The following TTBK2 variants were observed in gnomAD, a reference collection of about 807,000 sequenced individuals.
TTBK2 encodes tau-tubulin kinase 2.
TTBK2 carries 28 observed loss-of-function variants against 110.8 expected under a neutral mutation model. That is an observed-to-expected ratio of 0.25 (90% CI 0.19 to 0.35). TTBK2 has a LOEUF of 0.35. TTBK2 is among the 10% of genes least tolerant of loss of function. The pLI is 1.00. For synonymous variants in TTBK2, 532 were observed against 527.3 expected, an observed-to-expected ratio of 1.01 and a Z score of -0.12; for missense variants, 1,369 against 1,500.3, an observed-to-expected ratio of 0.91 and a Z score of 1.45.
Position 42,878,701 on chromosome 15 carries a change from A to T in TTBK2, c.-67-17T>A. On this transcript the variant is annotated splice_polypyrimidine_tract_variant and intron_variant, in intron 1 of 14. Transcript: ENST00000267890. ...CCATTTAACCTAAAACAACAACAACAAAAAATAGTAGCAGTATTTAGGGTT... is the reference window on the plus strand; with the variant it reads ...CCATTTAACCTAAAACAACAACAACTAAAAATAGTAGCAGTATTTAGGGTT... The T allele has an allele frequency of 6.2e-7, 1 of 1,609,132 alleles. No individual in the cohort carries two copies. Among genetic ancestry groups the T allele is most frequent in the Non-Finnish European group, 8.5e-7 (1 of 1,178,350 alleles).
At chr15:42,881,807 G>A (rs1895060706) in intron 1 of TTBK2, among the ~76,000 whole-genome samples, 1 of 151,884 alleles carries the variant, frequency 6.6e-6, no homozygotes. Flanking sequence ...GGAGGTGGAG[G>A]TTGCAATGAG....
rs539783773 is a variant in TTBK2 at position 42,896,827 on chromosome 15, G to T, written c.-67-18143C>A. ...ATAAAATAAATAAATAAAACTAAAAGATTTAACATGTAATAGGTTTACTAT... is the reference window on the plus strand; with the variant it reads ...ATAAAATAAATAAATAAAACTAAAATATTTAACATGTAATAGGTTTACTAT... On this transcript the variant is annotated intron_variant, in intron 1 of 14. Transcript: ENST00000267890. 1.2e-4 allele frequency among the ~76,000 whole-genome samples: 18 copies of T among 151,360 alleles called. 2 individuals are homozygous for T. Among genetic ancestry groups the T allele is most frequent in the African/African-American group, 3.6e-4 (15 of 41,336 alleles).
chr15:42,891,407 C>T lies in TTBK2; in HGVS notation c.-67-12723G>A, dbSNP rs116639711. Among the ~76,000 whole-genome samples the T allele has an allele frequency of 3.7e-3, 560 of 151,992 alleles. 4 individuals are homozygous for T. Among genetic ancestry groups the T allele is most frequent in the African/African-American group, 0.013 (544 of 41,458 alleles). On this transcript the variant is annotated intron_variant, in intron 1 of 14. Transcript: ENST00000267890. Reference sequence around the variant, plus strand: ...CAAGCTGGTCTTGAACTCCTAGACTCAATCGATCCTCCCACCTCAGTCTCC... The same window carrying T: ...CAAGCTGGTCTTGAACTCCTAGACTTAATCGATCCTCCCACCTCAGTCTCC...
chr15:42,801,687 A>G (rs761559757), intron 9 of TTBK2: 1 of 892,040 alleles, frequency 1.1e-6, no homozygotes, highest in South Asian at 1.3e-5. Context: ...AGCACCACAG[A>G]TGTATCCGAG....
chr15:42,770,197 T>A (rs563121464), intron 13 of TTBK2, among the ~76,000 whole-genome samples: 10 of 152,216 alleles, frequency 6.6e-5, no homozygotes, highest in African/African-American at 1.9e-4. Flanking sequence ...TATACCTATG[T>A]AACAAACCTG....
In TTBK2 at chr15:42,843,718, C is replaced by T. The variant is rs189947673; in HGVS notation, c.218-3285G>A. ...AGGCTGCAGTGAGCCAAGATTGCGC[C>T]GCTGCACTCCAGCCTGGGCGACAGA... On this transcript the variant is annotated intron_variant, in intron 3 of 14. Transcript: ENST00000267890. Among the ~76,000 whole-genome samples the T allele has an allele frequency of 2.5e-3, 355 of 144,732 alleles. 2 individuals carry two copies. The highest frequency in any genetic ancestry group is 8.8e-3 in the African/African-American group (339 of 38,584). The allele number at this position is 144,732 out of a possible 152,430, so 94.9% of individuals were successfully genotyped here. A position where few individuals can be genotyped will look rare whatever the true frequency, so the allele number is the denominator to read the frequency against.
chr15:42,846,594 T>G (rs779538232), intron 3 of TTBK2, among the ~76,000 whole-genome samples: 1 of 152,252 alleles, frequency 6.6e-6, no homozygotes, highest in Non-Finnish European at 1.5e-5. Flanking sequence ...ATTTAGTCTC[T>G]GTCCCTGGTA....
intron 10 of TTBK2, among the ~76,000 whole-genome samples, chr15:42,783,882 T>C (rs1890291666): frequency 6.6e-6 from 1 of 151,788 alleles, no homozygotes; most frequent in South Asian, 2.1e-4. Context: ...GCCAACATGG[T>C]GAAACCCTGT....
intron 3 of TTBK2, among the ~76,000 whole-genome samples, chr15:42,846,772 G>A (rs1389635021): frequency 6.6e-6 from 1 of 152,198 alleles, no homozygotes; most frequent in Non-Finnish European, 1.5e-5. Context: ...GTGCTTAGAG[G>A]AGAGGATTGG....
In TTBK2 at chr15:42,742,734, C is replaced by G. The variant is rs2061758487; in HGVS notation, c.*3061G>C. 1 of 152,164 alleles carries G rather than the reference C, an allele frequency of 6.6e-6. No homozygotes were observed. Among genetic ancestry groups the G allele is most frequent in the African/African-American group, 2.4e-5 (1 of 41,426 alleles). 9.4% of individuals were successfully genotyped at this position (152,164 alleles called of 1,614,324 possible). ...TCAAAAGATAATTTTAACTGCTGCCCTATACTACTTTTAGTATAGTTTGGC... is the reference window on the plus strand; with the variant it reads ...TCAAAAGATAATTTTAACTGCTGCCGTATACTACTTTTAGTATAGTTTGGC... On this transcript the variant is annotated 3_prime_UTR_variant, in exon 15 of 15. Coordinates refer to ENST00000267890, the MANE Select transcript of TTBK2 (RefSeq NM_173500.4).
Position 42,800,929 on chromosome 15 carries a change from C to T in TTBK2, c.823-6128G>A, listed in dbSNP as rs374521919. The T allele has an allele frequency of 3.1e-5, 22 of 708,776 alleles. 1 individual carries two copies. The highest frequency in any genetic ancestry group is 2.5e-4 in the East Asian group (10 of 40,472). 43.9% of individuals were successfully genotyped at this position (708,776 alleles called of 1,614,324 possible). ...ACAGTGGCCTCCCTCCTAGGCTCTG[C>T]GGCAGCCGCAGGAGGGACAGGCTGG... On this transcript the variant is annotated intron_variant, in intron 9 of 14. Transcript: ENST00000267890.
intron 1 of TTBK2, among the ~76,000 whole-genome samples, chr15:42,897,887 T>C (rs1895730657): frequency 6.7e-6 from 1 of 150,012 alleles, no homozygotes; most frequent in Non-Finnish European, 1.5e-5. Flanking sequence ...TCAGCTTCAC[T>C]ACTCAAAAAA....
chr15:42,853,252 G>C (rs942084321), intron 3 of TTBK2, among the ~76,000 whole-genome samples: 3 of 151,256 alleles, frequency 2.0e-5, no homozygotes, highest in Non-Finnish European at 4.4e-5. Context: ...TCCAGGACCA[G>C]TATTTCAGGG....
chr15:42,860,372 G>A (rs2141078487), intron 3 of TTBK2, among the ~76,000 whole-genome samples: 1 of 151,966 alleles, frequency 6.6e-6, no homozygotes, highest in African/African-American at 2.4e-5. Context: ...TGAAGAAGCA[G>A]TTTGAAAAAA....
chr15:42,835,945 A>C (rs1892968638), intron 4 of TTBK2, among the ~76,000 whole-genome samples: 1 of 152,190 alleles, frequency 6.6e-6, no homozygotes, highest in Admixed American at 6.5e-5. Flanking sequence ...TTTTCCCATA[A>C]TAAAAAGCTT....
rs2061768210 is a variant in TTBK2 at position 42,744,462 on chromosome 15, A to G, written c.*1333T>C. 1 of 152,398 alleles carries G rather than the reference A, an allele frequency of 6.6e-6. No homozygotes were observed. The highest frequency in any genetic ancestry group is 1.5e-5 in the Non-Finnish European group (1 of 68,040). 9.4% of individuals were successfully genotyped at this position (152,398 alleles called of 1,614,324 possible). A position where few individuals can be genotyped will look rare whatever the true frequency, so the allele number is the denominator to read the frequency against. ...AAGCAGACCAATTTACCTGACCTTA[A>G]TAAGGTCTTTACAACACAAAACACC... is the stretch of plus-strand genomic sequence containing the variant. On this transcript the variant is annotated 3_prime_UTR_variant, in exon 15 of 15. Transcript: ENST00000267890.
At chr15:42,822,776 CAGAT>C (rs879284828) in intron 6 of TTBK2, among the ~76,000 whole-genome samples, 4 of 152,154 alleles carry the variant, frequency 2.6e-5, no homozygotes, top group African/African-American at 4.8e-5. Flanking sequence ...GGAAGTATAA[CAGAT>C]AGCCTGAAAG....
chr15:42,828,094 ATT>A lies in TTBK2; in HGVS notation c.433-64_433-63del, dbSNP rs1208255080. The A allele has an allele frequency of 3.1e-6, 4 of 1,296,752 alleles. No individual in the cohort carries two copies. In the African/African-American group the frequency reaches 5.9e-5, roughly 19 times the overall value. 80.3% of individuals were successfully genotyped at this position (1,296,752 alleles called of 1,614,324 possible). On this transcript the variant is annotated intron_variant, in intron 5 of 14. Transcript: ENST00000267890. ...TAATACTTAGTCCTTACATTTTATCATTCTTACATTTTAAGTCTTCTTCTATT... is the reference window on the plus strand; with the variant it reads ...TAATACTTAGTCCTTACATTTTATCACTTACATTTTAAGTCTTCTTCTATT...
At chr15:42,797,230 T>C (rs1890984546) in intron 9 of TTBK2, among the ~76,000 whole-genome samples, 1 of 152,262 alleles carries the variant, frequency 6.6e-6, no homozygotes, top group Non-Finnish European at 1.5e-5. Flanking sequence ...CTAAATTCTC[T>C]GTCTGTACTG....
Sources: allele counts gnomAD v4.1 joint callset (sites outside exome capture counted in the v4.1 genomes callset), GRCh38; gene constraint gnomAD v4.1.1; transcripts MANE v1.5; gene names NCBI Gene and HGNC (gene_info 2026-07-23, HGNC 2026-07-21).